The following KIF5B variants were observed in gnomAD, a reference collection of about 807,000 sequenced individuals.
KIF5B encodes kinesin-1 heavy chain.
A neutral mutation model predicts 132.8 loss-of-function variants in KIF5B; 49 were observed. That is an observed-to-expected ratio of 0.37 (90% CI 0.29 to 0.47). KIF5B has a LOEUF of 0.47. KIF5B is among the 20% of genes least tolerant of loss of function. KIF5B has a pLI of 1.00. For missense variants in KIF5B, 780 were observed against 1,144.0 expected, an observed-to-expected ratio of 0.68 and a Z score of 4.59; for synonymous variants, 355 against 369.4, an observed-to-expected ratio of 0.96 and a Z score of 0.45.
chr10:32,018,396 A>G lies in KIF5B; in HGVS notation c.2368-9T>C, dbSNP rs1841206779. On this transcript the variant is annotated splice_polypyrimidine_tract_variant and intron_variant, in intron 21 of 25. Coordinates refer to ENST00000302418, the MANE Select transcript of KIF5B (RefSeq NM_004521.3). ...GTCTGAAGTTCTTTTGCCTTGGATTAAGAACAGCGATATTTTTGGAGCTCA... is the reference window on the plus strand; with the variant it reads ...GTCTGAAGTTCTTTTGCCTTGGATTGAGAACAGCGATATTTTTGGAGCTCA... The G allele has an allele frequency of 6.4e-7, 1 of 1,557,038 alleles. No homozygotes were observed. Among genetic ancestry groups the G allele is most frequent in the African/African-American group, 1.4e-5 (1 of 72,530 alleles).
intron 17 of KIF5B, 95 bp from the exon 18 acceptor site, chr10:32,021,382 C>A: frequency 1.2e-6 from 1 of 861,990 alleles, no homozygotes; most frequent in South Asian, 1.5e-5. Flanking sequence ...AAGCATTTTC[C>A]TTAGCAATAT....
chr10:32,022,830 C>T lies in KIF5B; in HGVS notation c.1914+18G>A, dbSNP rs2132587426. 1 of 1,490,454 alleles carries T rather than the reference C, an allele frequency of 6.7e-7. No homozygotes were observed. Among genetic ancestry groups the T allele is most frequent in the Non-Finnish European group, 9.0e-7 (1 of 1,107,244 alleles). 92.3% of individuals were successfully genotyped at this position (1,490,454 alleles called of 1,614,324 possible). On this transcript the variant is annotated intron_variant, in intron 16 of 25. Coordinates refer to ENST00000302418, the MANE Select transcript of KIF5B (RefSeq NM_004521.3). ...TGGCTGTTTCAAAAAAATGAATAAACTTTGTTCTATAACATACTTGAGAGA... is the reference window on the plus strand; with the variant it reads ...TGGCTGTTTCAAAAAAATGAATAAATTTTGTTCTATAACATACTTGAGAGA...
rs1300001106 is a variant in KIF5B at position 32,040,462 on chromosome 10, G to T, written c.215-5C>A. On this transcript the variant is annotated splice_polypyrimidine_tract_variant and splice_region_variant and intron_variant, in intron 2 of 25. Transcript: ENST00000302418. ...CATTATATCCTTCAAGTACATCTAT[G>T]AGAAAAGATTTTATAGTTCAGGGGA... 5.8e-6 allele frequency: 9 copies of T among 1,540,226 alleles called. No homozygotes were observed. Among genetic ancestry groups the T allele is most frequent in the Non-Finnish European group, 8.1e-6 (9 of 1,113,330 alleles).
rs1841477752 is a variant in KIF5B at position 32,037,623 on chromosome 10, T to A, written c.499-16A>T. On this transcript the variant is annotated splice_polypyrimidine_tract_variant and intron_variant, in intron 6 of 25. Coordinates refer to ENST00000302418, the MANE Select transcript of KIF5B (RefSeq NM_004521.3). ...CTGTGCACCCCTGTGAAATAATTTT[T>A]AAAAATATGTTAATGTCTGGCCAAC... is the stretch of plus-strand genomic sequence containing the variant. 1 of 1,562,438 alleles carries A rather than the reference T, an allele frequency of 6.4e-7. No individual in the cohort carries two copies. The highest frequency in any genetic ancestry group is 1.4e-5 in the African/African-American group (1 of 73,860).
rs563043897 is a variant in KIF5B, at chr10:32,046,962, C to T, written c.214+1502G>A. Among the ~76,000 whole-genome samples the T allele has an allele frequency of 8.5e-5, 13 of 152,270 alleles. No individual in the cohort carries two copies. In the East Asian group the frequency reaches 2.5e-3, roughly 29 times the overall value. ...ACTTTAAATGTGCTCAGAACACGTA[C>T]ACTGATCTACAGTTCAGCAAAACCA... On this transcript the variant is annotated intron_variant, in intron 2 of 25. Transcript: ENST00000302418.
rs1354606783 is a variant in KIF5B at position 32,018,575 on chromosome 10, G to T, written c.2307-13C>A. 1.3e-6 allele frequency: 2 copies of T among 1,586,810 alleles called. No individual in the cohort carries two copies. Reference sequence around the variant, plus strand: ...ATCTTGCATAACCCTAACAGTAGAAGAACAAACATATATTTTCAAATTTTA... The same window carrying T: ...ATCTTGCATAACCCTAACAGTAGAATAACAAACATATATTTTCAAATTTTA... On this transcript the variant is annotated splice_polypyrimidine_tract_variant and intron_variant, in intron 20 of 25. Transcript: ENST00000302418.
At position 32,021,288 on chromosome 10, in the gene KIF5B, C is replaced by T; in HGVS notation, c.2033-1G>A. On this transcript the variant is annotated splice_acceptor_variant, in intron 17 of 25. Transcript: ENST00000302418. LOFTEE classifies it high-confidence loss of function. The stretch of plus-strand genomic sequence containing the variant: ...TCCTTTTCCATTTCATGGACTTTCT[C>T]TGTTTGAATAGAGAGAAAATAGAAG... The T allele has an allele frequency of 6.2e-7, 1 of 1,607,312 alleles. No individual in the cohort carries two copies. The highest frequency in any genetic ancestry group is 8.5e-7 in the Non-Finnish European group (1 of 1,174,578).
chr10:32,022,111 T>C, intron 17 of KIF5B, 29 bp downstream of exon 17: 8 of 1,056,826 alleles, frequency 7.6e-6, no homozygotes, highest in Non-Finnish European at 1.1e-5. Context: ...AGAACACAGA[T>C]GTAACTCATA....
At position 32,056,121 on chromosome 10, in the gene KIF5B, G is replaced by A; in HGVS notation, c.-148C>T. ...CGCTGCGCTTCCCCGGGTGGAGGCG[G>A]CCGGGGAGCCGGGACTTGAAGAGCC... On this transcript the variant is annotated 5_prime_UTR_variant, in exon 1 of 26. Coordinates refer to ENST00000302418, the MANE Select transcript of KIF5B (RefSeq NM_004521.3). 1 of 892,788 alleles carries A rather than the reference G, an allele frequency of 1.1e-6. No individual in the cohort carries two copies. Among genetic ancestry groups the A allele is most frequent in the Non-Finnish European group, 1.6e-6 (1 of 612,474 alleles). 55.3% of individuals were successfully genotyped at this position (892,788 alleles called of 1,614,324 possible).
intron 25 of KIF5B, 148 bp downstream of exon 25, chr10:32,015,361 T>C (rs1841144549): frequency 1.8e-6 from 1 of 547,566 alleles, no homozygotes; most frequent in Non-Finnish European, 3.1e-6. Context: ...TGATCTAAAC[T>C]ACACAAAAAG....
chr10:32,035,037 TAA>T (rs577102313), intron 10 of KIF5B, among the ~76,000 whole-genome samples, 199 bp from the exon 11 acceptor site: 1 of 144,058 alleles, frequency 6.9e-6, no homozygotes, highest in African/African-American at 2.5e-5. Flanking sequence ...TGAATAGCTT[TAA>T]AAAAAAAAAA....
chr10:32,035,802 C>A, intron 9 of KIF5B, 88 bp downstream of exon 9: 1 of 1,308,962 alleles, frequency 7.6e-7, no homozygotes, highest in South Asian at 1.4e-5. Flanking sequence ...CTCTCTCTCT[C>A]TCTCATACAC....
At chr10:32,041,935 A>G (rs1351375111) in intron 2 of KIF5B, among the ~76,000 whole-genome samples, 3 of 152,104 alleles carry the variant, frequency 2.0e-5, no homozygotes, top group Non-Finnish European at 2.9e-5. Flanking sequence ...TGACCCTCCT[A>G]TGAAATTTTT....
intron 1 of KIF5B, among the ~76,000 whole-genome samples, chr10:32,050,375 G>GTCTGT (rs1841677207): frequency 6.6e-6 from 1 of 152,216 alleles, no homozygotes; most frequent in Non-Finnish European, 1.5e-5. Context: ...TGAAGTGGCG[G>GTCTGT]TCTGTTCGAG....
In KIF5B at chr10:32,022,127, T is replaced by C. The variant is rs371999150; in HGVS notation, c.2032+13A>G. 4.4e-5 allele frequency: 58 copies of C among 1,320,556 alleles called. No individual in the cohort carries two copies. The highest frequency in any genetic ancestry group is 5.6e-5 in the Non-Finnish European group (52 of 926,496). The allele number at this position is 1,320,556 out of a possible 1,614,324, so 81.8% of individuals were successfully genotyped here. On this transcript the variant is annotated intron_variant, in intron 17 of 25. Transcript: ENST00000302418. Reference sequence around the variant, plus strand: ...GAACACAGATGTAACTCATAAACAGTTGGAAGCTATACCTTGTGCTCGAAG... The same window carrying C: ...GAACACAGATGTAACTCATAAACAGCTGGAAGCTATACCTTGTGCTCGAAG...
intron 1 of KIF5B, among the ~76,000 whole-genome samples, chr10:32,053,865 T>C (rs1262914067): frequency 6.6e-6 from 1 of 152,194 alleles, no homozygotes; most frequent in Non-Finnish European, 1.5e-5. Context: ...AATATTACCA[T>C]TTATATAGAG....
intron 6 of KIF5B, 36 bp downstream of exon 6, chr10:32,038,127 A>G: frequency 1.6e-6 from 2 of 1,280,658 alleles, no homozygotes; most frequent in South Asian, 1.3e-5. Context: ...AAAAAAAAGT[A>G]TTACAGGGTT....
intron 12 of KIF5B, among the ~76,000 whole-genome samples, chr10:32,033,062 T>C (rs1432052315): frequency 2.0e-5 from 3 of 152,254 alleles, no homozygotes; most frequent in African/African-American, 4.8e-5. Context: ...ACTACTCTTG[T>C]TCTTGCCTTC....
At chr10:32,018,619 G>T in intron 20 of KIF5B, 57 bp from the exon 21 acceptor site, 1 of 1,249,612 alleles carries the variant, frequency 8.0e-7, no homozygotes. Flanking sequence ...ATTGTACTTA[G>T]CATGAGAGTT....
Sources: gnomAD v4.1 joint callset for allele counts (sites outside exome capture counted in the v4.1 genomes callset) on GRCh38, gnomAD v4.1.1 for gene constraint, MANE v1.5 for transcripts, NCBI Gene and HGNC (gene_info 2026-07-23, HGNC 2026-07-21) for gene names.